Variants in LRSAM1 observed in about 807,000 individuals in gnomAD.
LRSAM1 encodes the protein E3 ubiquitin-protein ligase LRSAM1.
Under a neutral mutation model 118.1 loss-of-function variants are expected in LRSAM1, and 96 were observed. That is an observed-to-expected ratio of 0.81 (90% CI 0.69 to 0.96). The LOEUF (loss-of-function observed/expected upper bound fraction) is 0.96. Ranked by LOEUF, LRSAM1 falls within the 40% of genes least tolerant of loss-of-function variation. The pLI, the probability that LRSAM1 is intolerant of heterozygous loss-of-function variation, is 0.00. For synonymous variants in LRSAM1, 322 were observed against 364.2 expected (o/e 0.88, Z 1.32); for missense variants, 804 against 915.5 (o/e 0.88, Z 1.57).
rs373532339 is a variant in LRSAM1, at chr9:127,489,548, T to C, written c.1422+30T>C. ...GCGCTGGGGCTGGGGTCCCTGGACC[T>C]GCTCTCTCAGAGACTTGCAGAGTGG... On this transcript the variant is annotated intron_variant, in intron 19 of 25. Transcript: ENST00000300417. 11 of 1,583,344 alleles carry C rather than the reference T, an allele frequency of 6.9e-6. No homozygotes were observed. The African/African-American group carries it at 1.5e-4, about 22-fold the overall frequency.
At position 127,492,745 on chromosome 9, in the gene LRSAM1, C is replaced by A. The variant is rs1051341285; in HGVS notation, c.1504-57C>A. The A allele has an allele frequency of 3.9e-5, 59 of 1,519,246 alleles. 1 individual carries two copies. Among genetic ancestry groups the A allele is most frequent in the African/African-American group, 8.2e-5 (6 of 73,252 alleles). 94.1% of individuals were successfully genotyped at this position (1,519,246 alleles called of 1,614,324 possible). A position where few individuals can be genotyped will look rare whatever the true frequency, so the allele number is the denominator to read the frequency against. On this transcript the variant is annotated intron_variant, in intron 20 of 25. Transcript: ENST00000300417. Reference sequence around the variant, plus strand: ...CAGGCCCTTCTCCATCCTGCCACTGCGGGACTCCTGCGCTGCCGCCAGCTC... The same window carrying A: ...CAGGCCCTTCTCCATCCTGCCACTGAGGGACTCCTGCGCTGCCGCCAGCTC...
chr9:127,503,088 C>T lies in LRSAM1; in HGVS notation c.*189C>T. ...GGGCCAGGCAGAGGTGCTCCTCATC[C>T]ATGACACCACCAGTCTGAATGGTCC... On this transcript the variant is annotated 3_prime_UTR_variant, in exon 26 of 26. Transcript: ENST00000300417. 1.4e-6 allele frequency: 1 copy of T among 717,928 alleles called. No individual in the cohort carries two copies. The allele number at this position is 717,928 out of a possible 1,614,324, so 44.5% of individuals were successfully genotyped here. A position where few individuals can be genotyped will look rare whatever the true frequency, so the allele number is the denominator to read the frequency against.
chr9:127,463,388 T>C (rs892428799), intron 9 of LRSAM1, among the ~76,000 whole-genome samples: 23 of 151,724 alleles, frequency 1.5e-4, no homozygotes, highest in South Asian at 4.2e-4. Context: ...TAGGGAGCCG[T>C]TGGGATGGGG....
At chr9:127,453,575 G>C (rs946007466) in intron 2 of LRSAM1, 2 of 152,302 alleles carry the variant, frequency 1.3e-5, no homozygotes, top group African/African-American at 2.4e-5. Flanking sequence ...TGGGGGGCTA[G>C]AAGTGATTCA....
At chr9:127,459,892 C>T (rs61393400) in intron 7 of LRSAM1, among the ~76,000 whole-genome samples, 18 of 152,190 alleles carry the variant, frequency 1.2e-4, no homozygotes, top group African/African-American at 4.3e-4. Flanking sequence ...GCTGCATTCA[C>T]TAATTTGTAA....
At chr9:127,499,948 T>A in intron 24 of LRSAM1, among the ~76,000 whole-genome samples, 1 of 151,526 alleles carries the variant, frequency 6.6e-6, no homozygotes, top group East Asian at 2.0e-4. Flanking sequence ...AAACTTTAGT[T>A]TTTCCTGTTA....
Position 127,497,283 on chromosome 9 carries a change from G to A in LRSAM1, c.1861G>A (p.Glu621Lys), listed in dbSNP as rs554466701. The A allele has an allele frequency of 1.3e-5, 21 of 1,613,122 alleles. No individual in the cohort carries two copies. The highest frequency in any genetic ancestry group is 6.7e-5 in the East Asian group (3 of 44,874). Residue 621 changes from glutamate (E) to lysine (K), a missense_variant, in exon 24 of 26, where the codon GAG becomes AAG. Coordinates refer to ENST00000300417, the MANE Select transcript of LRSAM1 (RefSeq NM_001005373.4). ...CGTCTCAGAAGCTGGCCTGCAGCAC[G>A]AGATCCTCCGGAGAGTCCAGGAACT... ...VGVSEAGLQH[E>K]ILRRVQELLD...
At chr9:127,462,856 A>T (rs1017345637) in intron 9 of LRSAM1, among the ~76,000 whole-genome samples, 5 of 144,238 alleles carry the variant, frequency 3.5e-5, no homozygotes, top group African/African-American at 7.6e-5. Context: ...AAAAAAAGTT[A>T]AAAAAAAAAA....
intron 14 of LRSAM1, 43 bp from the exon 15 acceptor site, chr9:127,481,140 G>T: frequency 1.2e-6 from 2 of 1,611,472 alleles, no homozygotes. Flanking sequence ...CAGGAAACAG[G>T]CCTGCTGGTG....
At chr9:127,452,929 G>T (rs867587185) in intron 2 of LRSAM1, among the ~76,000 whole-genome samples, 1 of 152,206 alleles carries the variant, frequency 6.6e-6, no homozygotes, top group African/African-American at 2.4e-5. Flanking sequence ...GTTCAGGACA[G>T]TGTACTTCGT....
At chr9:127,471,386 G>T (rs578010621) in intron 10 of LRSAM1, among the ~76,000 whole-genome samples, 13 of 147,598 alleles carry the variant, frequency 8.8e-5, no homozygotes, top group Admixed American at 6.9e-4. Context: ...TGGGAGGATT[G>T]CTTGAGCCTA....
At chr9:127,479,277 G>T in intron 12 of LRSAM1, 106 bp from the exon 13 acceptor site, 1 of 1,539,462 alleles carries the variant, frequency 6.5e-7, no homozygotes, top group Admixed American at 1.7e-5. Flanking sequence ...TCAGCATGAA[G>T]ACCTGGAGCC....
intron 10 of LRSAM1, among the ~76,000 whole-genome samples, chr9:127,472,282 C>G (rs977103119): frequency 6.8e-6 from 1 of 147,546 alleles, no homozygotes; most frequent in African/African-American, 2.5e-5. Flanking sequence ...TTCAATTTAC[C>G]TAAACTATGT....
At chr9:127,461,681 C>T (rs1834752684) in intron 8 of LRSAM1, among the ~76,000 whole-genome samples, 2 of 152,320 alleles carry the variant, frequency 1.3e-5, no homozygotes. Flanking sequence ...CCAGTTTACA[C>T]ACGAGGAAAA....
chr9:127,459,180 A>G (rs993045194), intron 7 of LRSAM1, 109 bp downstream of exon 7: 3 of 1,072,004 alleles, frequency 2.8e-6, no homozygotes, highest in Non-Finnish European at 4.2e-6. Context: ...GCAGGCTGCA[A>G]TCAGTGCCAG....
At chr9:127,495,108 T>C (rs1323091185) in intron 21 of LRSAM1, among the ~76,000 whole-genome samples, 4 of 152,116 alleles carry the variant, frequency 2.6e-5, no homozygotes, top group Non-Finnish European at 4.4e-5. Flanking sequence ...TGTGCCGCCA[T>C]GCCTGGCTAG....
intron 4 of LRSAM1, 137 bp from the exon 5 acceptor site, chr9:127,455,439 G>A: frequency 1.1e-6 from 1 of 876,486 alleles, no homozygotes; most frequent in Non-Finnish European, 1.9e-6. Flanking sequence ...TTGCCCCTGG[G>A]CTCAGCACTG....
chr9:127,455,549 C>T (rs1457469477), intron 4 of LRSAM1, 27 bp from the exon 5 acceptor site: 2 of 1,613,088 alleles, frequency 1.2e-6, no homozygotes, highest in Non-Finnish European at 1.7e-6. Flanking sequence ...GGAGGGGAGA[C>T]ACTTACTCTT....
intron 9 of LRSAM1, among the ~76,000 whole-genome samples, chr9:127,467,052 A>G (rs981960917): frequency 1.3e-5 from 2 of 152,096 alleles, no homozygotes; most frequent in Non-Finnish European, 2.9e-5. Flanking sequence ...TTATAGAGAA[A>G]CACCACACTT....
Sources: allele counts gnomAD v4.1 joint callset (sites outside exome capture counted in the v4.1 genomes callset), GRCh38; gene constraint gnomAD v4.1.1; transcripts MANE v1.5; gene names NCBI Gene and HGNC (gene_info 2026-07-23, HGNC 2026-07-21).